The following FAM83E variants were observed in gnomAD, a reference collection of about 807,000 sequenced individuals.
FAM83E encodes the protein protein FAM83E.
Under a neutral mutation model 34.3 loss-of-function variants are expected in FAM83E, and 29 were observed. The ratio of observed to expected loss-of-function variants is 0.85; its 90% CI spans 0.63 to 1.15. The LOEUF (loss-of-function observed/expected upper bound fraction) is 1.15, where lower values mean the gene tolerates loss of function less well. Ranked by LOEUF, FAM83E falls within the 50% of genes most tolerant of loss-of-function variation. The pLI, the probability that FAM83E is intolerant of heterozygous loss-of-function variation, is 0.00. For missense variants in FAM83E, 697 were observed against 685.0 expected (o/e 1.02, Z -0.20); for synonymous variants, 312 against 311.6 (o/e 1.00, Z -0.01).
rs143767613 is a variant in FAM83E, at chr19:48,607,028, C to T, written c.758+2848G>A. The T allele has an allele frequency of 1.1e-4, 184 of 1,611,704 alleles. No individual in the cohort carries two copies. Among genetic ancestry groups the T allele is most frequent in the African/African-American group, 4.3e-4 (32 of 75,068 alleles). On this transcript the variant is annotated intron_variant, in intron 5 of 6. Coordinates refer to ENST00000263266, the MANE Select transcript of FAM83E (RefSeq NM_017708.4). ...CTGGTGATGGCTCTGCCCCCAGGCA[C>T]GACGGGCGTCAAGGACTGCGTCTTC... is the stretch of plus-strand genomic sequence containing the variant.
Position 48,600,790 on chromosome 19 carries a change from C to T in FAM83E, c.*319G>A, listed in dbSNP as rs1183240424. ...CCTCAGCCTCCTGCGTAGCTGGGAC[C>T]ACAGGCGTGCGCCACCACACCCAAC... On this transcript the variant is annotated 3_prime_UTR_variant, in exon 7 of 7. Transcript: ENST00000263266. The T allele has an allele frequency of 4.2e-6, 1 of 240,812 alleles. No individual in the cohort carries two copies. Among genetic ancestry groups the T allele is most frequent in the Non-Finnish European group, 7.8e-6 (1 of 127,816 alleles). The allele number at this position is 240,812 out of a possible 1,614,324, so 14.9% of individuals were successfully genotyped here. A position where few individuals can be genotyped will look rare whatever the true frequency, so the allele number is the denominator to read the frequency against.
chr19:48,601,197 C>T lies in FAM83E; in HGVS notation c.1349G>A (p.Gly450Asp), dbSNP rs759184885. The T allele has an allele frequency of 6.2e-7, 1 of 1,612,538 alleles. No individual in the cohort carries two copies. The highest frequency in any genetic ancestry group is 8.5e-7 in the Non-Finnish European group (1 of 1,179,336). The change falls in exon 7 of 7, where the codon GGT (glycine) becomes GAT (aspartate). Residue 450 changes from glycine to aspartate, a missense_variant. Coordinates refer to ENST00000263266, the MANE Select transcript of FAM83E (RefSeq NM_017708.4). ...TTGAAGTTTGAATGTAGCATCCCCACCGAACCGCCTTCGGGCTGGGGACAG... is the reference window on the plus strand; with the variant it reads ...TTGAAGTTTGAATGTAGCATCCCCATCGAACCGCCTTCGGGCTGGGGACAG... ...RYLSPARRRF[G>D]GDATFKLQEP...
chr19:48,603,416 A>G, intron 6 of FAM83E, 78 bp downstream of exon 6: 4 of 1,352,620 alleles, frequency 3.0e-6, no homozygotes, highest in Non-Finnish European at 3.8e-6. Flanking sequence ...GGGCCCCTGG[A>G]GCCTGGCTTG....
chr19:48,603,532 G>A lies in FAM83E; in HGVS notation c.1138C>T (p.Leu380=), dbSNP rs1369676239. 7 of 1,569,538 alleles carry A rather than the reference G, an allele frequency of 4.5e-6. No individual in the cohort carries two copies. The highest frequency in any genetic ancestry group is 6.0e-6 in the Non-Finnish European group (7 of 1,166,050). ...TCACTGGAGCCAGACAGCTGGGACA[G>A]GCGGCTTAGGTCCCACATGGAGCGG... ...PSRSMWDLSR[L]SQLSGSSDGD... is the part of the protein sequence containing the mutation. The change falls in exon 6 of 7, where the codon CTG becomes TTG. Residue 380 remains leucine, a synonymous_variant. Coordinates refer to ENST00000263266, the MANE Select transcript of FAM83E (RefSeq NM_017708.4).
chr19:48,609,599 T>C (rs1033900301), intron 5 of FAM83E, among the ~76,000 whole-genome samples: 13 of 152,166 alleles, frequency 8.5e-5, no homozygotes, highest in African/African-American at 3.1e-4. Flanking sequence ...CAGGTGCTCC[T>C]GATTTTGAAC....
chr19:48,611,657 G>A (rs1303417649), intron 3 of FAM83E, among the ~76,000 whole-genome samples: 1 of 152,098 alleles, frequency 6.6e-6, no homozygotes, highest in African/African-American at 2.4e-5. Flanking sequence ...TAGTAGAGAC[G>A]GGATTTCGCC....
rs756301653 is a variant in FAM83E at position 48,603,920 on chromosome 19, C to T, written c.759-9G>A. ...CGTCACTCCACGTGAAGCTGGGGGT[C>T]GGGGAGTAGGGGGTCAGAGTCTCCA... On this transcript the variant is annotated splice_polypyrimidine_tract_variant and intron_variant, in intron 5 of 6. Coordinates refer to ENST00000263266, the MANE Select transcript of FAM83E (RefSeq NM_017708.4). 1.9e-6 allele frequency: 3 copies of T among 1,589,222 alleles called. No homozygotes were observed. Among genetic ancestry groups the T allele is most frequent in the Non-Finnish European group, 1.7e-6 (2 of 1,168,642 alleles).
At chr19:48,614,893 C>A (rs908169807) in intron 1 of FAM83E, 44 bp downstream of exon 1, 9 of 703,904 alleles carry the variant, frequency 1.3e-5, no homozygotes, top group Non-Finnish European at 1.6e-5. Flanking sequence ...CCCCCACAGG[C>A]CCCTGGAGGA....
intron 6 of FAM83E, among the ~76,000 whole-genome samples, chr19:48,602,686 CA>C (rs746923737): frequency 6.2e-3 from 31 of 5,006 alleles, no homozygotes; most frequent in African/African-American, 0.014. Flanking sequence ...GACCCTATCT[CA>C]AAAAAAAAAA....
rs1601120559 is a variant in FAM83E, at chr19:48,601,342, T to A, written c.1204A>T (p.Thr402Ser). 6.4e-7 allele frequency: 1 copy of A among 1,563,608 alleles called. No homozygotes were observed. Among genetic ancestry groups the A allele is most frequent in the Non-Finnish European group, 8.7e-7 (1 of 1,153,628 alleles). Reference sequence around the variant, plus strand: ...TGCCTCATCAGAGCCTTGGCTGGAGTGTCCTTGGAGCCCCAGGATTTCTTG... The same window carrying A: ...TGCCTCATCAGAGCCTTGGCTGGAGAGTCCTTGGAGCCCCAGGATTTCTTG... ...ELKKSWGSKD[T>S]PAKALMRQRG... is the part of the protein sequence containing the mutation. The change falls in exon 7 of 7, where the codon ACT becomes TCT. Residue 402 changes from threonine (T) to serine (S), a missense_variant. By Grantham distance (58) the Thr-to-Ser change is moderately conservative. Coordinates refer to ENST00000263266, the MANE Select transcript of FAM83E (RefSeq NM_017708.4).
rs945947769 is a variant in FAM83E at position 48,613,065 on chromosome 19, C to T, written c.308G>A (p.Gly103Glu). The change falls in exon 3 of 7, where the codon GGG becomes GAG. Residue 103 changes from glycine (G) to glutamate (E), a missense_variant. Coordinates refer to ENST00000263266, the MANE Select transcript of FAM83E (RefSeq NM_017708.4). ...VDAGSLSYWP[G>E]QSEQPAPVLR... is the part of the protein sequence containing the mutation. ...GACGGGCGCCGGCTGCTCCGACTGC[C>T]CAGGCCAGTAGCTCAGGCTGCCCGC... is the stretch of plus-strand genomic sequence containing the variant. The T allele has an allele frequency of 6.2e-7, 1 of 1,606,754 alleles. No individual in the cohort carries two copies. Among genetic ancestry groups the T allele is most frequent in the African/African-American group, 1.3e-5 (1 of 74,978 alleles).
At chr19:48,610,095 C>T in intron 4 of FAM83E, 95 bp from the exon 5 acceptor site, 1 of 1,489,918 alleles carries the variant, frequency 6.7e-7, no homozygotes. Context: ...GGACCCATGA[C>T]TCCATAGAAG....
chr19:48,612,937 C>T lies in FAM83E; in HGVS notation c.436G>A (p.Val146Met), dbSNP rs1324044474. The T allele has an allele frequency of 3.2e-6, 5 of 1,577,726 alleles. No homozygotes were observed. Among genetic ancestry groups the T allele is most frequent in the Non-Finnish European group, 4.3e-6 (5 of 1,161,262 alleles). Residue 146 changes from valine (V) to methionine (M), a missense_variant, in exon 3 of 7, where the codon GTG becomes ATG. By Grantham distance (21) the Val-to-Met change is conservative. Transcript: ENST00000263266. The stretch of plus-strand genomic sequence containing the variant: ...TGGGCAGCCTGGATCTCCAGCCGCA[C>T]CAGCTCCTTGAGGGGCGGCTGACCC... Reference protein sequence around the residue: ...GEGQPPLKELVRLEIQAAHKL... With the variant: ...GEGQPPLKELMRLEIQAAHKL...
Position 48,601,243 on chromosome 19 carries a change from G to C in FAM83E, c.1303C>G (p.Pro435Ala). 6.2e-7 allele frequency: 1 copy of C among 1,603,630 alleles called. No homozygotes were observed. Residue 435 changes from proline (P) to alanine (A), a missense_variant, in exon 7 of 7, where the codon CCC becomes GCC. By Grantham distance (27) the Pro-to-Ala change is conservative (BLOSUM62 -1). Coordinates refer to ENST00000263266, the MANE Select transcript of FAM83E (RefSeq NM_017708.4). ...GACAGATAGCGGAGGCGGTGGGCGGGGGGCAGGGGCAGGGCACCGCCCCAC... is the reference window on the plus strand; with the variant it reads ...GACAGATAGCGGAGGCGGTGGGCGGCGGGCAGGGGCAGGGCACCGCCCCAC... ...PPWGGALPLP[P>A]AHRLRYLSPA...
chr19:48,604,262 C>T (rs1016900834), intron 5 of FAM83E, among the ~76,000 whole-genome samples: 18 of 150,772 alleles, frequency 1.2e-4, no homozygotes, highest in African/African-American at 3.4e-4. Flanking sequence ...GGTGTGGTGG[C>T]GCACACCTGT....
At chr19:48,607,221 C>T (rs768485820) in intron 5 of FAM83E, 41 of 1,612,832 alleles carry the variant, frequency 2.5e-5, no homozygotes, top group South Asian at 1.3e-4. Context: ...GCTACAGGGG[C>T]GTCACCTACA....
chr19:48,614,474 A>C lies in FAM83E; in HGVS notation c.-1102T>G, dbSNP rs950842716. On this transcript the variant is annotated 5_prime_UTR_variant, in exon 3 of 7. Transcript: ENST00000263266. ...TCTTCCCGGACAGGGGCCAGTCTCT[A>C]TCTCGCCCTGTCTCCCTCCCAAGCC... The C allele has an allele frequency of 2.0e-6, 2 of 985,192 alleles. No homozygotes were observed. Among genetic ancestry groups the C allele is most frequent in the East Asian group, 1.1e-4 (1 of 8,812 alleles). 61.0% of individuals were successfully genotyped at this position (985,192 alleles called of 1,614,324 possible).
At position 48,613,747 on chromosome 19, in the gene FAM83E, CA is replaced by C. The variant is rs1220184182; in HGVS notation, c.-376del. On this transcript the variant is annotated 5_prime_UTR_variant, in exon 3 of 7. Transcript: ENST00000263266. ...GACCCATCAGCTGGCCATCTCTGCT[CA>C]GCCACACGACAGCCTCCAACCCACC... 1 of 985,282 alleles carries C rather than the reference CA, an allele frequency of 1.0e-6. No homozygotes were observed. Among genetic ancestry groups the C allele is most frequent in the Non-Finnish European group, 1.2e-6 (1 of 829,938 alleles). 61.0% of individuals were successfully genotyped at this position (985,282 alleles called of 1,614,324 possible).
At chr19:48,607,118 G>A in intron 5 of FAM83E, 2 of 1,613,058 alleles carry the variant, frequency 1.2e-6, no homozygotes, top group South Asian at 2.2e-5. Flanking sequence ...GACGAGGACT[G>A]CTTCACAGGC....
Sources: allele counts gnomAD v4.1 joint callset (sites outside exome capture counted in the v4.1 genomes callset), GRCh38; gene constraint gnomAD v4.1.1; transcripts MANE v1.5; gene names NCBI Gene and HGNC (gene_info 2026-07-23, HGNC 2026-07-21).